The following SLC44A5 variants were observed in gnomAD, a reference collection of about 807,000 sequenced individuals.
SLC44A5 encodes choline transporter-like protein 5.
A neutral mutation model predicts 101.8 loss-of-function variants in SLC44A5; 57 were observed. That is an observed-to-expected ratio of 0.56 (90% CI 0.45 to 0.70). The LOEUF (loss-of-function observed/expected upper bound fraction) is 0.70. Ranked by LOEUF, SLC44A5 falls within the 30% of genes least tolerant of loss-of-function variation. The probability of loss-of-function intolerance (pLI) is 0.00; values close to 1 mark genes in which losing one functional copy is unlikely to be tolerated. For synonymous variants in SLC44A5, 281 were observed against 290.9 expected, an observed-to-expected ratio of 0.97 and a Z score of 0.35; for missense variants, 737 against 853.1, an observed-to-expected ratio of 0.86 and a Z score of 1.70.
intron 3 of SLC44A5, among the ~76,000 whole-genome samples, chr1:75,352,615 A>C (rs1460741176): frequency 6.6e-6 from 1 of 152,130 alleles, no homozygotes; most frequent in East Asian, 1.9e-4. Context: ...AAAGATGCAT[A>C]AAAATTGAAA....
chr1:75,288,027 G>A (rs540606724), intron 5 of SLC44A5, among the ~76,000 whole-genome samples: 17 of 152,224 alleles, frequency 1.1e-4, no homozygotes, highest in Non-Finnish European at 2.1e-4. Context: ...AGCTGGATGG[G>A]GCCATGGAGC....
chr1:75,221,174 T>C (rs1647071984), intron 14 of SLC44A5, among the ~76,000 whole-genome samples: 1 of 152,198 alleles, frequency 6.6e-6, no homozygotes, highest in Non-Finnish European at 1.5e-5. Flanking sequence ...TTTAAACCAC[T>C]GACTTCAGGT....
At chr1:75,325,900 C>A (rs1570681160) in intron 4 of SLC44A5, among the ~76,000 whole-genome samples, 1 of 151,938 alleles carries the variant, frequency 6.6e-6, no homozygotes, top group Admixed American at 6.6e-5. Context: ...ACATGAAATT[C>A]ATTTATGTTT....
chr1:75,654,113 C>T, the SLC44A5 span, among the ~76,000 whole-genome samples: 86 of 152,156 alleles, frequency 5.7e-4, no homozygotes, highest in African/African-American at 2.0e-3. Flanking sequence ...TTTCTTTTGC[C>T]AAATGATTTG....
intron 7 of SLC44A5, among the ~76,000 whole-genome samples, chr1:75,247,231 C>G (rs985222939): frequency 4.0e-5 from 6 of 151,532 alleles, no homozygotes; most frequent in Non-Finnish European, 8.8e-5. Context: ...GGAGGGAGAC[C>G]TAAGGAGAGC....
At chr1:75,297,739 G>C (rs533214969) in intron 5 of SLC44A5, among the ~76,000 whole-genome samples, 55 of 152,106 alleles carry the variant, frequency 3.6e-4, no homozygotes, top group African/African-American at 1.3e-3. Flanking sequence ...ACCAAAGTAG[G>C]ACAAAGAAGG....
chr1:75,638,281 C>T, the SLC44A5 span, among the ~76,000 whole-genome samples: 1 of 151,994 alleles, frequency 6.6e-6, no homozygotes, highest in African/African-American at 2.4e-5. Context: ...CAAAATCACA[C>T]AAGTGAAACA....
chr1:75,330,718 T>C (rs1656986611), intron 4 of SLC44A5, among the ~76,000 whole-genome samples: 1 of 152,194 alleles, frequency 6.6e-6, no homozygotes, highest in South Asian at 2.1e-4. Context: ...GTGTTGTCTT[T>C]ATTGCCTCTG....
the SLC44A5 span, among the ~76,000 whole-genome samples, chr1:75,644,104 T>C: frequency 2.0e-5 from 3 of 152,192 alleles, no homozygotes; most frequent in African/African-American, 7.2e-5. Context: ...AATAATGATA[T>C]ATTCATTACA....
intron 3 of SLC44A5, among the ~76,000 whole-genome samples, chr1:75,386,873 T>A (rs1661394134): frequency 6.6e-6 from 1 of 151,998 alleles, no homozygotes; most frequent in Non-Finnish European, 1.5e-5. Context: ...TATAGATCAA[T>A]GGAACAGAAC....
chr1:75,234,401 A>G (rs1477316679), intron 11 of SLC44A5, among the ~76,000 whole-genome samples: 2 of 152,076 alleles, frequency 1.3e-5, no homozygotes, highest in South Asian at 2.1e-4. Context: ...ATTTTGATTT[A>G]TTGGAGACAG....
chr1:75,525,500 T>C (rs1438581612), intron 2 of SLC44A5, among the ~76,000 whole-genome samples: 2 of 152,064 alleles, frequency 1.3e-5, no homozygotes, highest in Non-Finnish European at 2.9e-5. Flanking sequence ...TGTGGGACAA[T>C]ACAACTGTCC....
At chr1:75,522,620 G>A (rs1445249636) in intron 2 of SLC44A5, among the ~76,000 whole-genome samples, 2 of 151,962 alleles carry the variant, frequency 1.3e-5, no homozygotes, top group Non-Finnish European at 2.9e-5. Context: ...GTCCTCTCCC[G>A]ACTCTTTAGT....
At chr1:75,721,516 G>T in the SLC44A5 span, among the ~76,000 whole-genome samples, 1 of 152,112 alleles carries the variant, frequency 6.6e-6, no homozygotes, top group Non-Finnish European at 1.5e-5. Context: ...CCAAAAGATT[G>T]GACACTGCTG....
the SLC44A5 span, among the ~76,000 whole-genome samples, chr1:75,659,415 AAG>A: frequency 2.3e-5 from 2 of 86,454 alleles, no homozygotes; most frequent in Non-Finnish European, 4.8e-5. Flanking sequence ...GAAAGAAAGA[AAG>A]AGGGAGGGTG....
At chr1:75,633,205 T>C in the SLC44A5 span, among the ~76,000 whole-genome samples, 1 of 152,196 alleles carries the variant, frequency 6.6e-6, no homozygotes, top group Non-Finnish European at 1.5e-5. Context: ...CGATGCGGGC[T>C]CTTTTTTGGT....
the SLC44A5 span, among the ~76,000 whole-genome samples, chr1:75,625,671 G>T: frequency 0.29 from 44,347 of 151,920 alleles, 7,462 homozygotes; most frequent in East Asian, 0.82. Flanking sequence ...GGCCAGTGAA[G>T]CTGGACTATC....
chr1:75,635,938 G>A, the SLC44A5 span, among the ~76,000 whole-genome samples: 1 of 151,986 alleles, frequency 6.6e-6, no homozygotes, highest in African/African-American at 2.4e-5. Context: ...TTAAATTTAT[G>A]GGGTACAAGT....
At chr1:75,678,460 A>C in the SLC44A5 span, among the ~76,000 whole-genome samples, 11 of 152,082 alleles carry the variant, frequency 7.2e-5, no homozygotes, top group Admixed American at 2.0e-4. Context: ...GACCCCTGAC[A>C]CCCGAGCAGC....
Sources: gnomAD v4.1 joint callset for allele counts (sites outside exome capture counted in the v4.1 genomes callset) on GRCh38, gnomAD v4.1.1 for gene constraint, MANE v1.5 for transcripts, NCBI Gene and HGNC (gene_info 2026-07-23, HGNC 2026-07-21) for gene names.